The following ABL1 variants were observed in gnomAD, a reference collection of about 807,000 sequenced individuals.
The protein encoded by ABL1 is ABL proto-oncogene 1, non-receptor tyrosine kinase.
Under a neutral mutation model 94.7 loss-of-function variants are expected in ABL1, and 11 were observed. That is an observed-to-expected ratio of 0.12 (90% confidence interval 0.07 to 0.19). The LOEUF is 0.19. Among genes scored for constraint, ABL1 ranks in the 10% least tolerant of loss-of-function variants. The pLI, the probability that ABL1 is intolerant of heterozygous loss-of-function variation, is 1.00. For synonymous variants in ABL1, 656 were observed against 622.4 expected, an observed-to-expected ratio of 1.05 and a Z score of -0.80; for missense variants, 1,082 against 1,489.4, an observed-to-expected ratio of 0.73 and a Z score of 4.50.
At chr9:130,843,684 G>A (rs2132933374) in intron 1 of ABL1, among the ~76,000 whole-genome samples, 1 of 152,262 alleles carries the variant, frequency 6.6e-6, no homozygotes, top group African/African-American at 2.4e-5. Flanking sequence ...ACCGGTTAGA[G>A]AAGGTTTATG....
chr9:130,766,587 A>G lies in ABL1; in HGVS notation c.136+52132A>G, dbSNP rs916851349. ...CCTTGTCTGTTTTTGATGCCTTAGG[A>G]CTTGGGGACAAGGCCACAGCCTGTG... On this transcript the variant is annotated intron_variant, in intron 1 of 10. Transcript: ENST00000372348. 3.9e-5 allele frequency among the ~76,000 whole-genome samples: 6 copies of G among 152,182 alleles called. No homozygotes were observed. The South Asian group carries it at 6.2e-4, about 16-fold the overall frequency.
Position 130,731,949 on chromosome 9 carries a change from C to A in ABL1, c.136+17494C>A, listed in dbSNP as rs184806821. Reference sequence around the variant, plus strand: ...GTTAATGATAAAGGCTAAATGATTCCTGTCAATTGTTTCAAATTTTCAACT... The same window carrying A: ...GTTAATGATAAAGGCTAAATGATTCATGTCAATTGTTTCAAATTTTCAACT... On this transcript the variant is annotated intron_variant, in intron 1 of 10. Transcript: ENST00000372348. Among the ~76,000 whole-genome samples, 31 of 151,624 alleles carry A rather than the reference C, an allele frequency of 2.0e-4. No homozygotes were observed. The East Asian group carries it at 4.4e-3, about 22-fold the overall frequency.
chr9:130,812,200 CAAAAAAAAA>C (rs35352789), intron 1 of ABL1, among the ~76,000 whole-genome samples: 1 of 48,766 alleles, frequency 2.1e-5, no homozygotes, highest in East Asian at 8.1e-4. Flanking sequence ...TCCATCTCTA[CAAAAAAAAA>C]AAAAAAAAAA....
intron 1 of ABL1, among the ~76,000 whole-genome samples, chr9:130,785,464 T>A (rs1829813773): frequency 6.6e-6 from 1 of 152,148 alleles, no homozygotes; most frequent in African/African-American, 2.4e-5. Context: ...AGTCTGAATC[T>A]CAGCTTTGGG....
chr9:130,773,016 G>A lies in ABL1; in HGVS notation c.136+58561G>A, dbSNP rs116191331. Among the ~76,000 whole-genome samples, 1,336 of 152,190 alleles carry A rather than the reference G, an allele frequency of 8.8e-3. 19 individuals carry two copies. The highest frequency in any genetic ancestry group is 0.031 in the African/African-American group (1,269 of 41,530). On this transcript the variant is annotated intron_variant, in intron 1 of 10. Coordinates refer to the ABL1 transcript ENST00000372348. Reference sequence around the variant, plus strand: ...GCAAGAAAAAAGGTAAATCCCCAAGGCCTATAAAATAAAAGATGAGCTGGC... The same window carrying A: ...GCAAGAAAAAAGGTAAATCCCCAAGACCTATAAAATAAAAGATGAGCTGGC...
rs142307918 is a variant in ABL1 at position 130,846,371 on chromosome 9, A to G, written c.80-7693A>G. Among the ~76,000 whole-genome samples the G allele has an allele frequency of 3.9e-5, 6 of 152,352 alleles. No homozygotes were observed. The East Asian group carries it at 1.2e-3, about 29-fold the overall frequency. The stretch of plus-strand genomic sequence containing the variant: ...GCCTCTTTTTAGAAGGATCTGTTTT[A>G]TAGATTTTTAAATTACAGAGATTCC... On this transcript the variant is annotated intron_variant, in intron 1 of 10. Coordinates refer to ENST00000318560, the MANE Select transcript of ABL1 (RefSeq NM_005157.6).
At chr9:130,836,796 G>C (rs1283231438) in intron 1 of ABL1, among the ~76,000 whole-genome samples, 4 of 140,312 alleles carry the variant, frequency 2.9e-5, no homozygotes, top group Non-Finnish European at 6.0e-5. Flanking sequence ...CTGCACTCCA[G>C]CCTGGGCGAC....
At chr9:130,776,188 T>A (rs1044977656) in intron 1 of ABL1, among the ~76,000 whole-genome samples, 4 of 152,216 alleles carry the variant, frequency 2.6e-5, no homozygotes, top group African/African-American at 9.6e-5. Context: ...GGCAGCTCAC[T>A]CAGGAATCAT....
chr9:130,853,797 T>C (rs983881942), intron 1 of ABL1, among the ~76,000 whole-genome samples: 4 of 152,250 alleles, frequency 2.6e-5, no homozygotes, highest in African/African-American at 9.6e-5. Flanking sequence ...TAAAGTCATA[T>C]TGAATCCATG....
Position 130,723,961 on chromosome 9 carries a change from G to A in ABL1, c.136+9506G>A, listed in dbSNP as rs540185793. ...CGAGTAGCTAGGACTACAGGCGCCC[G>A]CCACCACACCTGGCCAATTTTTGTA... On this transcript the variant is annotated intron_variant, in intron 1 of 10. Transcript: ENST00000372348. Among the ~76,000 whole-genome samples the A allele has an allele frequency of 1.0e-3, 158 of 151,958 alleles. 1 individual carries two copies. The highest frequency in any genetic ancestry group is 3.8e-3 in the African/African-American group (156 of 41,434).
Position 130,872,810 on chromosome 9 carries a change from T to G in ABL1, c.908-50T>G. ...GCTTTTTCTTTAGACAGTTGTTTGT[T>G]CAGTTGGGAGCGGAGCCACGTGTTG... On this transcript the variant is annotated intron_variant, in intron 5 of 10. Transcript: ENST00000318560. The surrounding 1 kb of genome is among the most constrained non-coding windows in gnomAD (Gnocchi z 5.0). 6.4e-7 allele frequency: 1 copy of G among 1,555,558 alleles called. No individual in the cohort carries two copies. The highest frequency in any genetic ancestry group is 8.7e-7 in the Non-Finnish European group (1 of 1,143,710).
Position 130,854,910 on chromosome 9 carries a change from T to C in ABL1, c.363T>C (p.Ser121=), listed in dbSNP as rs746875249. 1.9e-6 allele frequency: 3 copies of C among 1,614,150 alleles called. No homozygotes were observed. Among genetic ancestry groups the C allele is most frequent in the Admixed American group, 3.3e-5 (2 of 60,016 alleles). ...GCAACTACATCACGCCAGTCAACAGTCTGGAGAAACACTCCTGGTACCATG... is the reference window on the plus strand; with the variant it reads ...GCAACTACATCACGCCAGTCAACAGCCTGGAGAAACACTCCTGGTACCATG... ...VPSNYITPVN[S]LEKHSWYHGP... is the part of the protein sequence containing the mutation. The change falls in exon 3 of 11, where the codon AGT becomes AGC. Residue 121 remains serine, a synonymous_variant. Transcript: ENST00000318560.
intron 1 of ABL1, among the ~76,000 whole-genome samples, chr9:130,758,729 G>A (rs931979889): frequency 1.1e-4 from 17 of 152,154 alleles, no homozygotes; most frequent in African/African-American, 2.2e-4. Flanking sequence ...CACCGCATCC[G>A]GCCCCAATTT....
At chr9:130,745,897 A>T (rs930803413) in intron 1 of ABL1, among the ~76,000 whole-genome samples, 5 of 151,048 alleles carry the variant, frequency 3.3e-5, no homozygotes, top group Non-Finnish European at 7.4e-5. Flanking sequence ...TTGTGTGTCA[A>T]ACCAGCCCTT....
exon 1 of ABL1, chr9:130,714,062 A>G (rs1479750248): frequency 5.4e-6 from 2 of 369,358 alleles, no homozygotes; most frequent in South Asian, 8.2e-5. Flanking sequence ...AAACAAATCA[A>G]GAAACTTTTG....
chr9:130,778,339 G>A (rs888966080), intron 1 of ABL1, among the ~76,000 whole-genome samples: 1 of 148,934 alleles, frequency 6.7e-6, no homozygotes, highest in African/African-American at 2.5e-5. Context: ...CTGTGAGCAG[G>A]GGAATTGAGG....
chr9:130,832,820 T>C (rs978279456), upstream of ABL1, among the ~76,000 whole-genome samples: 1 of 152,344 alleles, frequency 6.6e-6, no homozygotes, highest in South Asian at 2.1e-4. Context: ...AGCTCTCCTT[T>C]ATTTGCTTGT....
At chr9:130,735,607 A>C (rs980599130) in intron 1 of ABL1, among the ~76,000 whole-genome samples, 1 of 151,782 alleles carries the variant, frequency 6.6e-6, no homozygotes, top group East Asian at 1.9e-4. Flanking sequence ...ATAGATCCTC[A>C]GGATCTCCCC....
At chr9:130,877,896 T>C (rs577566571) in intron 7 of ABL1, among the ~76,000 whole-genome samples, 3 of 151,260 alleles carry the variant, frequency 2.0e-5, no homozygotes, top group Non-Finnish European at 2.9e-5. Flanking sequence ...CACTGCAAGC[T>C]CCACCTCCTG....
Sources: gnomAD v4.1 joint callset for allele counts (sites outside exome capture counted in the v4.1 genomes callset) on GRCh38, gnomAD v4.1.1 for gene constraint, Gnocchi (gnomAD v3.1) non-coding constraint, MANE v1.5 for transcripts, NCBI Gene and HGNC (gene_info 2026-07-23, HGNC 2026-07-21) for gene names.